Variants in FMN1 observed in about 807,000 individuals in gnomAD.
FMN1 encodes formin-1.
FMN1 carries 110 observed loss-of-function variants against 132.4 expected under a neutral mutation model. The observed-to-expected ratio is 0.83, with a 90% CI of 0.71 to 0.97. The LOEUF is 0.97. Ranked by LOEUF, FMN1 falls within the 50% of genes least tolerant of loss-of-function variation. The pLI, the probability that FMN1 is intolerant of heterozygous loss-of-function variation, is 0.00. For synonymous variants in FMN1, 722 were observed against 651.7 expected (o/e 1.11, Z -1.64); for missense variants, 1,792 against 1,705.3 (o/e 1.05, Z -0.90).
chr15:33,004,356 A>C (rs1223783490), intron 7 of FMN1, among the ~76,000 whole-genome samples: 2 of 152,348 alleles, frequency 1.3e-5, no homozygotes, highest in Admixed American at 6.5e-5. Flanking sequence ...AGAAAAAAAC[A>C]ACCCCATCAA....
At chr15:33,067,279 A>G in intron 5 of FMN1, 1 of 1,613,774 alleles carries the variant, frequency 6.2e-7, no homozygotes, top group South Asian at 1.1e-5. Flanking sequence ...GATCTTCTGC[A>G]CAGAGCTCTG....
Position 32,935,070 on chromosome 15 carries a change from C to A in FMN1, c.3139-8809G>T, listed in dbSNP as rs1021145563. Reference sequence around the variant, plus strand: ...CTGAGTACCTGAGATTACAGGCACGCACCACCATGCCTGGCTAATTTTTTG... The same window carrying A: ...CTGAGTACCTGAGATTACAGGCACGAACCACCATGCCTGGCTAATTTTTTG... On this transcript the variant is annotated intron_variant, in intron 9 of 20. Coordinates refer to ENST00000616417, the MANE Select transcript of FMN1 (RefSeq NM_001277313.2). Among the ~76,000 whole-genome samples, 11 of 151,824 alleles carry A rather than the reference C, an allele frequency of 7.2e-5. 1 individual carries two copies. The South Asian group carries it at 2.1e-3, about 29-fold the overall frequency.
chr15:33,112,233 T>A (rs992879399), intron 4 of FMN1, among the ~76,000 whole-genome samples: 7 of 152,092 alleles, frequency 4.6e-5, no homozygotes, highest in African/African-American at 1.4e-4. Context: ...AAAGGTATAA[T>A]TAAAGAGATG....
At chr15:32,935,068 C>T (rs988525587) in intron 9 of FMN1, among the ~76,000 whole-genome samples, 5 of 151,772 alleles carry the variant, frequency 3.3e-5, no homozygotes, top group East Asian at 3.9e-4. Flanking sequence ...ATTACAGGCA[C>T]GCACCACCAT....
chr15:32,998,409 C>A (rs1291374422), intron 7 of FMN1, among the ~76,000 whole-genome samples: 1 of 152,112 alleles, frequency 6.6e-6, no homozygotes, highest in Non-Finnish European at 1.5e-5. Context: ...GATGCAGGGG[C>A]CCACTCTTTT....
At chr15:33,103,162 G>T (rs759308770) in intron 4 of FMN1, among the ~76,000 whole-genome samples, 5 of 151,962 alleles carry the variant, frequency 3.3e-5, no homozygotes, top group Non-Finnish European at 5.9e-5. Context: ...AGAACATCCA[G>T]GTTTTTCAGG....
At chr15:33,112,835 CAG>C (rs1272663697) in intron 4 of FMN1, among the ~76,000 whole-genome samples, 5 of 152,202 alleles carry the variant, frequency 3.3e-5, no homozygotes, top group East Asian at 3.9e-4. Flanking sequence ...GCATTTGCAG[CAG>C]AGTTATCCAA....
intron 17 of FMN1, among the ~76,000 whole-genome samples, chr15:32,841,211 T>C (rs989923989): frequency 3.9e-5 from 6 of 152,222 alleles, no homozygotes; most frequent in African/African-American, 1.4e-4. Flanking sequence ...CTCTTGGATA[T>C]TGTCCATTTA....
chr15:33,041,982 T>C lies in FMN1; in HGVS notation c.2161+22975A>G, dbSNP rs8039287. Among the ~76,000 whole-genome samples, 708 of 152,030 alleles carry C rather than the reference T, an allele frequency of 4.7e-3. 9 individuals are homozygous for C. Among genetic ancestry groups the C allele is most frequent in the African/African-American group, 0.016 (680 of 41,488 alleles). Reference sequence around the variant, plus strand: ...GATAGTAAACTTCATGTTATGTATATTTTACCACAATAAAAATTAAAAAAT... The same window carrying C: ...GATAGTAAACTTCATGTTATGTATACTTTACCACAATAAAAATTAAAAAAT... On this transcript the variant is annotated intron_variant, in intron 6 of 20. Transcript: ENST00000616417.
At chr15:33,043,973 C>CT (rs2036562187) in intron 6 of FMN1, among the ~76,000 whole-genome samples, 2 of 152,378 alleles carry the variant, frequency 1.3e-5, no homozygotes, top group African/African-American at 4.8e-5. Context: ...CCCCCTTTCC[C>CT]TACAGGCTCA....
chr15:33,067,334 G>A (rs1427705236), intron 5 of FMN1: 5 of 1,613,930 alleles, frequency 3.1e-6, no homozygotes, highest in East Asian at 4.5e-5. Flanking sequence ...GAAACCTCCT[G>A]GGTTTTCTTT....
At chr15:32,774,755 T>G (rs918688983) in intron 20 of FMN1, among the ~76,000 whole-genome samples, 1 of 151,294 alleles carries the variant, frequency 6.6e-6, no homozygotes, top group Non-Finnish European at 1.5e-5. Context: ...AAAAAAAAAA[T>G]TACTATTTCC....
At chr15:33,087,934 T>A in intron 5 of FMN1, among the ~76,000 whole-genome samples, 1 of 152,192 alleles carries the variant, frequency 6.6e-6, no homozygotes, top group South Asian at 2.1e-4. Context: ...TCGGAGACTA[T>A]TATTCTAAGT....
At chr15:33,093,898 C>T (rs1277977595) in intron 4 of FMN1, among the ~76,000 whole-genome samples, 2 of 152,180 alleles carry the variant, frequency 1.3e-5, no homozygotes, top group East Asian at 3.8e-4. Context: ...AACAAATTTA[C>T]AGTTGGAAAG....
At position 32,968,867 on chromosome 15, in the gene FMN1, G is replaced by A. The variant is rs1162783995; in HGVS notation, c.2834C>T (p.Ala945Val). The change falls in exon 8 of 21, where the codon GCT becomes GTT. Residue 945 changes from alanine to valine, a missense_variant. By Grantham distance (64) the Ala-to-Val change is moderately conservative. Coordinates refer to ENST00000616417, the MANE Select transcript of FMN1 (RefSeq NM_001277313.2). ...GGGTGCAAGTCCTGGGGGTGGTGGA[G>A]CAGGAGGAGGCCCTCCAGGGTTGGG... Reference protein sequence around the residue: ...APPNPGGPPPAPPPPGLAPPP... With the variant: ...APPNPGGPPPVPPPPGLAPPP... 4 of 1,336,126 alleles carry A rather than the reference G, an allele frequency of 3.0e-6. No homozygotes were observed. Among genetic ancestry groups the A allele is most frequent in the South Asian group, 2.5e-5 (2 of 79,682 alleles). 82.8% of individuals were successfully genotyped at this position (1,336,126 alleles called of 1,614,324 possible).
intron 17 of FMN1, among the ~76,000 whole-genome samples, chr15:32,809,522 G>A (rs1595974199): frequency 6.6e-6 from 1 of 152,032 alleles, no homozygotes; most frequent in Non-Finnish European, 1.5e-5. Flanking sequence ...CTGCTGCGTG[G>A]GACTCATGGC....
chr15:32,839,714 G>A (rs2058703934), intron 17 of FMN1, among the ~76,000 whole-genome samples: 1 of 151,326 alleles, frequency 6.6e-6, no homozygotes, highest in South Asian at 2.1e-4. Context: ...GATTGAGAGA[G>A]AAGATTCTCT....
intron 9 of FMN1, among the ~76,000 whole-genome samples, chr15:32,951,109 T>C (rs1010379433): frequency 6.6e-6 from 1 of 152,116 alleles, no homozygotes; most frequent in Non-Finnish European, 1.5e-5. Context: ...CAACCTAAAA[T>C]AACTTCATAT....
At chr15:32,810,909 T>C (rs1344177744) in intron 17 of FMN1, 3 of 454,034 alleles carry the variant, frequency 6.6e-6, no homozygotes, top group Non-Finnish European at 1.3e-5. Flanking sequence ...GAAGTTGTTT[T>C]TATTACAGCT....
Sources: allele counts gnomAD v4.1 joint callset (sites outside exome capture counted in the v4.1 genomes callset), GRCh38; gene constraint gnomAD v4.1.1; transcripts MANE v1.5; gene names NCBI Gene and HGNC (gene_info 2026-07-23, HGNC 2026-07-21).